MAP4: variants seen among roughly 807,000 people sequenced by gnomAD.
MAP4 encodes microtubule-associated protein 4.
A neutral mutation model predicts 170.2 loss-of-function variants in MAP4; 76 were observed. The ratio of observed to expected loss-of-function variants is 0.45; its 90% CI spans 0.37 to 0.54. MAP4 has a LOEUF of 0.54. Ranked by LOEUF, MAP4 falls within the 20% of genes least tolerant of loss-of-function variation. The probability of loss-of-function intolerance (pLI) is 0.00; values close to 1 mark genes in which losing one functional copy is unlikely to be tolerated. For synonymous variants in MAP4, 909 were observed against 994.5 expected, an observed-to-expected ratio of 0.91 and a Z score of 1.62; for missense variants, 2,506 against 2,748.0, an observed-to-expected ratio of 0.91 and a Z score of 1.97.
At chr3:48,062,471 G>A (rs1447553126) in intron 1 of MAP4, among the ~76,000 whole-genome samples, 6 of 97,704 alleles carry the variant, frequency 6.1e-5, no homozygotes, top group Admixed American at 1.5e-4. Context: ...CCCCTTCTGC[G>A]AGAAACACCC....
chr3:47,975,946 C>T (rs776105077), intron 3 of MAP4, among the ~76,000 whole-genome samples: 6 of 152,212 alleles, frequency 3.9e-5, no homozygotes, highest in East Asian at 1.9e-4. Flanking sequence ...CGTGCCACCA[C>T]GTCCAGCTAA....
chr3:47,981,133 T>A (rs1293176156), intron 2 of MAP4, among the ~76,000 whole-genome samples: 1 of 152,194 alleles, frequency 6.6e-6, no homozygotes, highest in Non-Finnish European at 1.5e-5. Context: ...ATGTTTATGA[T>A]GGCACTGCTT....
intron 3 of MAP4, among the ~76,000 whole-genome samples, chr3:47,952,289 G>A (rs1260978222): frequency 2.0e-5 from 3 of 147,092 alleles, no homozygotes; most frequent in Non-Finnish European, 4.5e-5. Flanking sequence ...CCGGCCAGCC[G>A]CCCCATCCGG....
chr3:48,082,939 A>C (rs2100147329), intron 1 of MAP4, among the ~76,000 whole-genome samples: 1 of 152,178 alleles, frequency 6.6e-6, no homozygotes, highest in Admixed American at 6.6e-5. Flanking sequence ...ATCATGAGAA[A>C]GCACCAGAAA....
rs1046942824 is a variant in MAP4 at position 47,851,975 on chromosome 3, G to C, written c.*959C>G. The C allele has an allele frequency of 2.6e-5, 4 of 152,168 alleles. No homozygotes were observed. Among genetic ancestry groups the C allele is most frequent in the African/African-American group, 4.8e-5 (2 of 41,366 alleles). The allele number at this position is 152,168 out of a possible 1,614,324, so 9.4% of individuals were successfully genotyped here. On this transcript the variant is annotated 3_prime_UTR_variant, in exon 21 of 21. Coordinates refer to ENST00000683076, the MANE Select transcript of MAP4 (RefSeq NM_001385682.1). ...CAGAGATGCCAAAACCAGCCTCTTG[G>C]TTAGAAAAGAAAAGCAGCATACACA...
At chr3:47,886,962 G>C (rs1271988672) in intron 10 of MAP4, among the ~76,000 whole-genome samples, 2 of 152,336 alleles carry the variant, frequency 1.3e-5, no homozygotes, top group African/African-American at 4.8e-5. Context: ...TCTTCCTAAA[G>C]CTGACCTGGA....
chr3:48,078,951 A>T (rs2100145212), intron 1 of MAP4, among the ~76,000 whole-genome samples: 1 of 152,078 alleles, frequency 6.6e-6, no homozygotes. Flanking sequence ...TGAAAAGATC[A>T]CTTGAGCCTA....
At chr3:47,858,624 G>GTGTGCGCGT (rs1559780760) in intron 17 of MAP4, among the ~76,000 whole-genome samples, 1 of 142,714 alleles carries the variant, frequency 7.0e-6, no homozygotes, top group African/African-American at 2.8e-5. Context: ...TGCGCGTTGT[G>GTGTGCGCGT]TGTGTGTGTG....
chr3:48,050,820 G>A (rs2100127367), intron 1 of MAP4, among the ~76,000 whole-genome samples: 1 of 150,768 alleles, frequency 6.6e-6, no homozygotes, highest in African/African-American at 2.4e-5. Flanking sequence ...CAAGAGAATC[G>A]CTTGAACCCA....
intron 1 of MAP4, among the ~76,000 whole-genome samples, chr3:48,013,848 A>G (rs2100106538): frequency 6.6e-6 from 1 of 152,144 alleles, no homozygotes; most frequent in Non-Finnish European, 1.5e-5. Context: ...GAGACTCAAC[A>G]CCACTCTGCC....
chr3:48,077,565 G>T (rs2100144592), intron 1 of MAP4, among the ~76,000 whole-genome samples: 1 of 150,644 alleles, frequency 6.6e-6, no homozygotes, highest in Non-Finnish European at 1.5e-5. Flanking sequence ...GTCTTGAATT[G>T]CTGGGCTCAA....
chr3:47,927,039 A>G (rs981877095), intron 4 of MAP4, among the ~76,000 whole-genome samples: 1 of 151,656 alleles, frequency 6.6e-6, no homozygotes, highest in African/African-American at 2.4e-5. Context: ...GGCACCTGTA[A>G]TTCCAGCTAT....
At chr3:47,987,374 A>G in intron 2 of MAP4, 3 of 1,530,090 alleles carry the variant, frequency 2.0e-6, no homozygotes, top group Non-Finnish European at 2.6e-6. Context: ...AGGGAAGAAA[A>G]GCACTTACCA....
chr3:47,902,147 T>C (rs2100030401), intron 10 of MAP4, among the ~76,000 whole-genome samples: 1 of 151,990 alleles, frequency 6.6e-6, no homozygotes, highest in Non-Finnish European at 1.5e-5. Flanking sequence ...AAGTGATACC[T>C]TGTCTCAAAA....
chr3:48,078,942 G>A (rs1024476226), intron 1 of MAP4, among the ~76,000 whole-genome samples: 2 of 152,180 alleles, frequency 1.3e-5, no homozygotes, highest in Non-Finnish European at 1.5e-5. Context: ...AGGCTGAGGT[G>A]AAAAGATCAC....
intron 1 of MAP4, among the ~76,000 whole-genome samples, chr3:48,000,439 G>A (rs2100098517): frequency 6.6e-6 from 1 of 152,140 alleles, no homozygotes; most frequent in Non-Finnish European, 1.5e-5. Context: ...GTTGCACAAT[G>A]TAATGGCCAC....
intron 12 of MAP4, 112 bp from the exon 13 acceptor site, chr3:47,872,212 C>T (rs2093572283): frequency 9.8e-7 from 1 of 1,019,788 alleles, no homozygotes. Context: ...GAGACGAAGT[C>T]TCACTCTGTT....
At chr3:48,053,963 CTACAT>C (rs1426659659) in intron 1 of MAP4, among the ~76,000 whole-genome samples, 1 of 152,068 alleles carries the variant, frequency 6.6e-6, no homozygotes, top group Non-Finnish European at 1.5e-5. Context: ...TCTAAATTAT[CTACAT>C]TAAATAAAAC....
intron 3 of MAP4, among the ~76,000 whole-genome samples, chr3:47,964,385 TG>T (rs1472258870): frequency 6.6e-6 from 1 of 152,082 alleles, no homozygotes; most frequent in Non-Finnish European, 1.5e-5. Flanking sequence ...AAACTGGGTG[TG>T]GGGTGTGAGA....
Sources: allele counts gnomAD v4.1 joint callset (sites outside exome capture counted in the v4.1 genomes callset), GRCh38; gene constraint gnomAD v4.1.1; transcripts MANE v1.5; gene names NCBI Gene and HGNC (gene_info 2026-07-23, HGNC 2026-07-21).